LSAMP: variants seen among roughly 807,000 people sequenced by gnomAD.
The protein encoded by LSAMP is limbic system-associated membrane protein.
LSAMP carries 7 observed loss-of-function variants against 38.6 expected under a neutral mutation model. That is an observed-to-expected ratio of 0.18 (90% confidence interval 0.10 to 0.34). The LOEUF is 0.34. Ranked by LOEUF, LSAMP falls within the 10% of genes least tolerant of loss-of-function variation. The probability of loss-of-function intolerance (pLI) is 1.00; values close to 1 mark genes in which losing one functional copy is unlikely to be tolerated. For missense variants in LSAMP, 313 were observed against 420.0 expected (o/e 0.75, Z 2.23); for synonymous variants, 154 against 166.8 (o/e 0.92, Z 0.59).
intron 1 of LSAMP, among the ~76,000 whole-genome samples, chr3:116,338,153 T>C (rs1297555304): frequency 6.6e-6 from 1 of 152,020 alleles, no homozygotes; most frequent in Non-Finnish European, 1.5e-5. Flanking sequence ...AGGATTCTCT[T>C]TCATCGTCAC....
At chr3:115,892,629 T>C (rs937057389) in intron 3 of LSAMP, among the ~76,000 whole-genome samples, 3 of 151,828 alleles carry the variant, frequency 2.0e-5, no homozygotes, top group Non-Finnish European at 4.4e-5. Flanking sequence ...GATCTGGATA[T>C]CAGTGTCATG....
At chr3:115,934,373 C>T (rs552130560) in intron 3 of LSAMP, among the ~76,000 whole-genome samples, 127 of 151,836 alleles carry the variant, frequency 8.4e-4, no homozygotes, top group African/African-American at 2.9e-3. Context: ...AGATGGATTT[C>T]ACTACGTTGG....
chr3:116,120,702 C>T (rs1362645198), intron 1 of LSAMP, among the ~76,000 whole-genome samples: 1 of 152,136 alleles, frequency 6.6e-6, no homozygotes, highest in Admixed American at 6.5e-5. Context: ...TTCCAGGTAT[C>T]TTTGAAAACA....
At chr3:116,049,413 A>C (rs1469007387) in intron 2 of LSAMP, among the ~76,000 whole-genome samples, 1 of 152,194 alleles carries the variant, frequency 6.6e-6, no homozygotes, top group African/African-American at 2.4e-5. Flanking sequence ...TATTTGAAAA[A>C]TTCCAGTAAT....
chr3:115,939,129 T>C (rs1937808445), intron 3 of LSAMP, among the ~76,000 whole-genome samples: 1 of 152,182 alleles, frequency 6.6e-6, no homozygotes, highest in Non-Finnish European at 1.5e-5. Flanking sequence ...GATTAGTTTA[T>C]TGTATATGAG....
At chr3:116,133,022 A>T (rs900192774) in intron 1 of LSAMP, among the ~76,000 whole-genome samples, 1 of 152,174 alleles carries the variant, frequency 6.6e-6, no homozygotes, top group African/African-American at 2.4e-5. Flanking sequence ...CACTAAACCA[A>T]AGTTTTGTGA....
intron 1 of LSAMP, among the ~76,000 whole-genome samples, chr3:116,267,905 TGGAGAGAGTCTCAA>T (rs1332611981): frequency 1.3e-5 from 2 of 152,080 alleles, no homozygotes; most frequent in Non-Finnish European, 2.9e-5. Flanking sequence ...TAAAAGTCAA[TGGAGAGAGTCTCAA>T]GGGAGGAATG....
At chr3:116,070,226 AAGAT>A (rs1707568390) in intron 2 of LSAMP, among the ~76,000 whole-genome samples, 1 of 152,182 alleles carries the variant, frequency 6.6e-6, no homozygotes. Context: ...GGAACACAAT[AAGAT>A]AGGCAACTGA....
At position 115,876,404 on chromosome 3, in the gene LSAMP, C is replaced by T. The variant is rs113193543; in HGVS notation, c.515-23787G>A. Among the ~76,000 whole-genome samples, 148 of 151,518 alleles carry T rather than the reference C, an allele frequency of 9.8e-4. 1 individual carries two copies. Among genetic ancestry groups the T allele is most frequent in the African/African-American group, 3.4e-3 (142 of 41,356 alleles). On this transcript the variant is annotated intron_variant, in intron 3 of 6. Coordinates refer to ENST00000490035, the MANE Select transcript of LSAMP (RefSeq NM_002338.5). ...CACTCTGACCAGTAATGCATTCAGA[C>T]TCACCAACCAGTCCTGCTAAGAAAT...
chr3:116,435,431 G>A (rs945739264), intron 1 of LSAMP, among the ~76,000 whole-genome samples: 1 of 152,030 alleles, frequency 6.6e-6, no homozygotes, highest in Admixed American at 6.5e-5. Context: ...GGACTACCTA[G>A]GGGGTGCTGG....
intron 1 of LSAMP, among the ~76,000 whole-genome samples, chr3:116,221,971 A>G (rs2046291230): frequency 6.6e-6 from 1 of 151,740 alleles, no homozygotes; most frequent in African/African-American, 2.4e-5. Flanking sequence ...TCAAAGGACA[A>G]TTATGAAGCA....
At chr3:115,832,827 C>T (rs1934659409) in intron 6 of LSAMP, among the ~76,000 whole-genome samples, 2 of 152,176 alleles carry the variant, frequency 1.3e-5, no homozygotes, top group Admixed American at 1.3e-4. Flanking sequence ...AAACTAGGGT[C>T]ATTCTCCAAT....
chr3:115,928,184 A>T (rs995469157), intron 3 of LSAMP, among the ~76,000 whole-genome samples: 2 of 152,220 alleles, frequency 1.3e-5, no homozygotes, highest in South Asian at 4.1e-4. Flanking sequence ...CACTAATTCA[A>T]ATGAAAAAAC....
At chr3:116,402,603 T>G (rs1300935009) in intron 1 of LSAMP, among the ~76,000 whole-genome samples, 2 of 152,088 alleles carry the variant, frequency 1.3e-5, no homozygotes, top group Admixed American at 1.3e-4. Flanking sequence ...TAAATAAGGT[T>G]AAGGCTGTAT....
At chr3:116,076,904 C>A (rs1045885618) in intron 2 of LSAMP, among the ~76,000 whole-genome samples, 4 of 151,810 alleles carry the variant, frequency 2.6e-5, no homozygotes, top group African/African-American at 9.7e-5. Context: ...ATTTTTGCAG[C>A]TTTGTGAATG....
At chr3:115,949,554 A>C in intron 3 of LSAMP, among the ~76,000 whole-genome samples, 1 of 152,098 alleles carries the variant, frequency 6.6e-6, no homozygotes, top group Non-Finnish European at 1.5e-5. Flanking sequence ...CTGAACAGAC[A>C]AATAACAAGT....
rs749787851 is a variant in LSAMP, at chr3:115,852,638, TGA to T, written c.515-23_515-22del. 47 of 1,602,576 alleles carry T rather than the reference TGA, an allele frequency of 2.9e-5. No homozygotes were observed. In the South Asian group the frequency reaches 4.9e-4, roughly 17 times the overall value. On this transcript the variant is annotated intron_variant, in intron 3 of 6. Coordinates refer to ENST00000490035, the MANE Select transcript of LSAMP (RefSeq NM_002338.5). ...CCTTCCTGAAAAACAGAGGTTTTCA[TGA>T]TTCTTTTTTAAAGTCTGAAATAGGC...
At chr3:116,403,194 T>C (rs953100578) in intron 1 of LSAMP, among the ~76,000 whole-genome samples, 2 of 152,206 alleles carry the variant, frequency 1.3e-5, no homozygotes, top group African/African-American at 4.8e-5. Flanking sequence ...AACAAGAAGT[T>C]TGCAGACAGT....
In LSAMP at chr3:116,054,062, G is replaced by A. The variant is rs537059104; in HGVS notation, c.388+32262C>T. On this transcript the variant is annotated intron_variant, in intron 2 of 6. Transcript: ENST00000490035. ...GCCTCACTGGGCTAAAAGCAAAGTC[G>A]TGGCATGGCTATGGTCCTTCTTGAG... Among the ~76,000 whole-genome samples the A allele has an allele frequency of 5.9e-5, 9 of 152,234 alleles. No homozygotes were observed. In the East Asian group the frequency reaches 1.7e-3, roughly 29 times the overall value.
Sources: gnomAD v4.1 joint callset for allele counts (sites outside exome capture counted in the v4.1 genomes callset) on GRCh38, gnomAD v4.1.1 for gene constraint, MANE v1.5 for transcripts, NCBI Gene and HGNC (gene_info 2026-07-23, HGNC 2026-07-21) for gene names.